VPS13A: variants seen among roughly 807,000 people sequenced by gnomAD.
VPS13A encodes vacuolar protein sorting 13 homolog A, also known as intermembrane lipid transfer protein VPS13A.
Under a neutral mutation model 390.9 loss-of-function variants are expected in VPS13A, and 264 were observed. The ratio of observed to expected loss-of-function variants is 0.68; its 90% confidence interval spans 0.61 to 0.75. VPS13A has a LOEUF of 0.75. Ranked by LOEUF, VPS13A falls within the 30% of genes least tolerant of loss-of-function variation. The pLI is 0.00. For missense variants in VPS13A, 3,409 were observed against 3,733.9 expected (o/e 0.91, Z 2.27); for synonymous variants, 1,231 against 1,227.1 (o/e 1.00, Z -0.07).
intron 67 of VPS13A, among the ~76,000 whole-genome samples, chr9:77,376,625 A>C (rs1441383546): frequency 6.6e-6 from 1 of 152,208 alleles, no homozygotes; most frequent in Non-Finnish European, 1.5e-5. Flanking sequence ...CGTTCTTTTT[A>C]GGGAAAGGGT....
chr9:77,264,780 C>T (rs1489335752), intron 23 of VPS13A, among the ~76,000 whole-genome samples: 2 of 152,134 alleles, frequency 1.3e-5, no homozygotes, highest in African/African-American at 4.8e-5. Context: ...TATTTGAATA[C>T]CCTTTATTTC....
At chr9:77,265,161 G>A (rs1391814803) in intron 23 of VPS13A, among the ~76,000 whole-genome samples, 4 of 152,154 alleles carry the variant, frequency 2.6e-5, no homozygotes, top group Non-Finnish European at 4.4e-5. Context: ...TGATTGTGAT[G>A]GATAAGCTTT....
intron 54 of VPS13A, among the ~76,000 whole-genome samples, chr9:77,356,430 A>G (rs1831782661): frequency 6.6e-6 from 1 of 152,044 alleles, no homozygotes; most frequent in Admixed American, 6.5e-5. Flanking sequence ...AATTTTACTA[A>G]TTTATTTTGT....
chr9:77,349,215 C>G (rs1036237069), intron 52 of VPS13A, among the ~76,000 whole-genome samples: 1 of 152,010 alleles, frequency 6.6e-6, no homozygotes, highest in African/African-American at 2.4e-5. Context: ...TTCTCTCCCT[C>G]CCTCCCTTTC....
In VPS13A at chr9:77,371,100, A is replaced by G. The variant is rs759236506; in HGVS notation, c.9028A>G (p.Thr3010Ala). The change falls in exon 67 of 72, where the codon ACT (threonine) becomes GCT (alanine). Residue 3010 changes from threonine to alanine, a missense_variant. Around this residue, in one of 5 missense-constraint regions of VPS13A, gnomAD observed 318 missense variants for 333.7 expected, o/e 0.95. Coordinates refer to ENST00000360280, the MANE Select transcript of VPS13A (RefSeq NM_033305.3). ...TTTAGTAGGAGCGGTAGCAAGGCCA[A>G]CTGGAGGCATCATAGACATGGCTAG... is the stretch of plus-strand genomic sequence containing the variant. ...KGLVGAVARP[T>A]GGIIDMASST... The G allele has an allele frequency of 5.1e-5, 83 of 1,614,030 alleles. 1 individual carries two copies. The highest frequency in any genetic ancestry group is 4.5e-4 in the South Asian group (41 of 91,090).
intron 45 of VPS13A, among the ~76,000 whole-genome samples, chr9:77,325,926 A>G (rs1829996950): frequency 6.6e-6 from 1 of 152,180 alleles, no homozygotes; most frequent in African/African-American, 2.4e-5. Flanking sequence ...GATATTTATT[A>G]TCACTTTTTC....
At chr9:77,283,832 G>A (rs1347179412) in intron 31 of VPS13A, among the ~76,000 whole-genome samples, 182 bp downstream of exon 31, 1 of 152,108 alleles carries the variant, frequency 6.6e-6, no homozygotes. Context: ...GTGACCATTA[G>A]CAGGTTACCT....
chr9:77,202,991 G>A (rs1173110908), intron 3 of VPS13A, among the ~76,000 whole-genome samples: 1 of 152,054 alleles, frequency 6.6e-6, no homozygotes, highest in Non-Finnish European at 1.5e-5. Flanking sequence ...GGTATATATA[G>A]TAGGGGCACA....
At chr9:77,319,425 A>G (rs1829607551) in intron 41 of VPS13A, 147 bp from the exon 42 acceptor site, 2 of 652,340 alleles carry the variant, frequency 3.1e-6, no homozygotes, top group South Asian at 3.3e-5. Flanking sequence ...GAAGTTAGCC[A>G]GGTGAGGAAA....
Position 77,315,441 on chromosome 9 carries a change from G to C in VPS13A, c.4601G>C (p.Ser1534Thr), listed in dbSNP as rs767453711. The change falls in exon 38 of 72, where the codon AGT becomes ACT. Residue 1534 changes from serine (S) to threonine (T), a missense_variant. Transcript: ENST00000360280. Reference sequence around the variant, plus strand: ...ACCACAGGCACTGCTGTAGAAACCAGTGTGCAAACATGGACTGCTAAGGAA... The same window carrying C: ...ACCACAGGCACTGCTGTAGAAACCACTGTGCAAACATGGACTGCTAAGGAA... ...AYTTGTAVET[S>T]VQTWTAKEEV... is the part of the protein sequence containing the mutation. 11 of 1,613,894 alleles carry C rather than the reference G, an allele frequency of 6.8e-6. No individual in the cohort carries two copies. The South Asian group carries it at 9.9e-5, about 14-fold the overall frequency.
intron 45 of VPS13A, among the ~76,000 whole-genome samples, chr9:77,327,758 C>T (rs1317261445): frequency 6.6e-6 from 1 of 152,074 alleles, no homozygotes; most frequent in Non-Finnish European, 1.5e-5. Flanking sequence ...ACAATTCAGT[C>T]ACCTCTTCAG....
chr9:77,196,935 G>T (rs898474051), intron 1 of VPS13A, among the ~76,000 whole-genome samples: 1 of 151,852 alleles, frequency 6.6e-6, no homozygotes, highest in African/African-American at 2.4e-5. Context: ...TTTTATAATG[G>T]CTGTACTAAT....
chr9:77,355,685 C>T (rs750776506), intron 54 of VPS13A, among the ~76,000 whole-genome samples: 2 of 152,142 alleles, frequency 1.3e-5, no homozygotes, highest in Non-Finnish European at 2.9e-5. Context: ...TCCAGCTTTC[C>T]AATCAGAGTT....
chr9:77,221,575 G>A (rs549786568), intron 13 of VPS13A, among the ~76,000 whole-genome samples: 4 of 152,132 alleles, frequency 2.6e-5, no homozygotes, highest in South Asian at 4.1e-4. Context: ...ATTCTCAATC[G>A]GAAGGAATTT....
At position 77,411,660 on chromosome 9, in the gene VPS13A, C is replaced by CAAAAAAAAAAAAAAA. The variant is rs1169254413; in HGVS notation, c.9474+4064_9474+4078dup. ...CCTAGGCAACAGCAAAACTCCATCT[C>CAAAAAAAAAAAAAAA]AAAAAAAAAAAAAAAAAAAAAAAAA... On this transcript the variant is annotated intron_variant, in intron 71 of 71. Coordinates refer to ENST00000360280, the MANE Select transcript of VPS13A (RefSeq NM_033305.3). Among the ~76,000 whole-genome samples the CAAAAAAAAAAAAAAA allele has an allele frequency of 4.9e-3, 167 of 33,918 alleles. 14 individuals are homozygous for CAAAAAAAAAAAAAAA. Among genetic ancestry groups the CAAAAAAAAAAAAAAA allele is most frequent in the African/African-American group, 6.2e-3 (52 of 8,330 alleles). The allele number at this position is 33,918 out of a possible 152,430, so 22.3% of individuals were successfully genotyped here.
rs771079301 is a variant in VPS13A, at chr9:77,307,984, A to T, written c.4000A>T (p.Thr1334Ser). 1 of 1,603,074 alleles carries T rather than the reference A, an allele frequency of 6.2e-7. No homozygotes were observed. Among genetic ancestry groups the T allele is most frequent in the Non-Finnish European group, 8.5e-7 (1 of 1,170,026 alleles). The change falls in exon 35 of 72, where the codon ACA becomes TCA. Residue 1334 changes from threonine to serine, a missense_variant. Thr to Ser is a moderately conservative substitution (Grantham distance 58). Transcript: ENST00000360280. ...AGAAGATATAACAACTATTTTTAAA[A>T]CATTGCATGGCAATATATGGTATGA... ...SQEDITTIFK[T>S]LHGNIWYEKD...
chr9:77,186,559 TC>T (rs1589967514), intron 1 of VPS13A, among the ~76,000 whole-genome samples: 1 of 152,162 alleles, frequency 6.6e-6, no homozygotes, highest in Admixed American at 6.5e-5. Flanking sequence ...TGCCTCAGCC[TC>T]CTAAGTAGCT....
chr9:77,357,476 T>C (rs1025285791), intron 55 of VPS13A, among the ~76,000 whole-genome samples: 3 of 152,032 alleles, frequency 2.0e-5, no homozygotes, highest in Non-Finnish European at 2.9e-5. Context: ...ATTTTTATTG[T>C]GGTAAATTTT....
At chr9:77,323,027 A>C (rs1290975397) in intron 44 of VPS13A, 40 bp from the exon 45 acceptor site, 1 of 1,457,572 alleles carries the variant, frequency 6.9e-7, no homozygotes. Flanking sequence ...ATATGTAATG[A>C]ATTATAATAA....
Sources: gnomAD v4.1 joint callset for allele counts (sites outside exome capture counted in the v4.1 genomes callset) on GRCh38, gnomAD v4.1.1 for gene constraint, gnomAD v4.1.1 regional missense constraint, MANE v1.5 for transcripts, NCBI Gene and HGNC (gene_info 2026-07-23, HGNC 2026-07-21) for gene names.